Variants in PHLPP1 observed in about 807,000 individuals in gnomAD.
The protein encoded by PHLPP1 is PH domain and leucine rich repeat protein phosphatase 1.
In PHLPP1, 42 loss-of-function variants were observed where a neutral mutation model predicts 117.2. That is an observed-to-expected ratio of 0.36 (90% CI 0.28 to 0.46). The LOEUF (loss-of-function observed/expected upper bound fraction) is 0.46, where lower values mean the gene tolerates loss of function less well. PHLPP1 is among the 20% of genes least tolerant of loss of function. The pLI is 1.00. For missense variants in PHLPP1, 2,084 were observed against 2,241.9 expected, an observed-to-expected ratio of 0.93 and a Z score of 1.42; for synonymous variants, 1,042 against 970.7, an observed-to-expected ratio of 1.07 and a Z score of -1.37.
chr18:62,739,055 A>C (rs1201968117), intron 1 of PHLPP1, among the ~76,000 whole-genome samples: 1 of 152,212 alleles, frequency 6.6e-6, no homozygotes, highest in Non-Finnish European at 1.5e-5. Flanking sequence ...GGATGTGTTA[A>C]GTTTGAGGTT....
intron 6 of PHLPP1, among the ~76,000 whole-genome samples, chr18:62,901,265 C>T (rs1430874289): frequency 6.6e-6 from 1 of 152,010 alleles, no homozygotes; most frequent in Non-Finnish European, 1.5e-5. Flanking sequence ...CTGTTGTACC[C>T]AAGATGAGAT....
intron 1 of PHLPP1, among the ~76,000 whole-genome samples, chr18:62,809,304 C>T (rs1023242394): frequency 3.9e-5 from 6 of 152,168 alleles, no homozygotes; most frequent in Admixed American, 2.0e-4. Context: ...TATTTTAGGG[C>T]TCCAAATCAT....
intron 15 of PHLPP1, 143 bp downstream of exon 15, chr18:62,972,851 G>A (rs1046964764): frequency 1.5e-6 from 1 of 648,972 alleles, no homozygotes; most frequent in Admixed American, 2.8e-5. Flanking sequence ...GGCAAGTTTG[G>A]TGTTGCCCAG....
chr18:62,933,247 A>G (rs1909870705), intron 10 of PHLPP1, among the ~76,000 whole-genome samples: 1 of 152,202 alleles, frequency 6.6e-6, no homozygotes, highest in Non-Finnish European at 1.5e-5. Flanking sequence ...TTTTTCATGA[A>G]ATTAGAAAAA....
intron 1 of PHLPP1, among the ~76,000 whole-genome samples, chr18:62,795,908 C>T (rs1238159922): frequency 1.3e-5 from 2 of 152,216 alleles, no homozygotes; most frequent in African/African-American, 4.8e-5. Flanking sequence ...GTCCTGTACA[C>T]AGCTATTAAA....
chr18:62,892,937 C>A (rs1916463987), intron 4 of PHLPP1, among the ~76,000 whole-genome samples: 1 of 151,678 alleles, frequency 6.6e-6, no homozygotes, highest in Non-Finnish European at 1.5e-5. Context: ...GGTACCTCCT[C>A]TGGGGTCCCC....
intron 1 of PHLPP1, among the ~76,000 whole-genome samples, chr18:62,810,758 G>A (rs1303772856): frequency 2.6e-5 from 4 of 152,070 alleles, no homozygotes; most frequent in Non-Finnish European, 5.9e-5. Flanking sequence ...TTGAAAATAC[G>A]TTAAAGCAAT....
intron 1 of PHLPP1, among the ~76,000 whole-genome samples, chr18:62,793,385 A>G (rs1913520399): frequency 1.3e-5 from 2 of 152,112 alleles, no homozygotes; most frequent in African/African-American, 4.8e-5. Context: ...CCTTCATATC[A>G]TCTTGCCTGC....
chr18:62,949,150 A>C (rs754670552), intron 12 of PHLPP1, among the ~76,000 whole-genome samples: 2 of 152,226 alleles, frequency 1.3e-5, no homozygotes, highest in Admixed American at 6.5e-5. Flanking sequence ...AAAGGTATTA[A>C]GATCATTGCA....
chr18:62,720,734 A>T (rs1391254716), intron 1 of PHLPP1, among the ~76,000 whole-genome samples: 2 of 151,552 alleles, frequency 1.3e-5, no homozygotes, highest in East Asian at 3.9e-4. Context: ...TTACATTTTT[A>T]TATTTATATT....
rs762365435 is a variant in PHLPP1, at chr18:62,942,997, A to T, written c.3161+1079A>T. Reference sequence around the variant, plus strand: ...ACTTTTACTTCACTATGGAATGGGGAAATGATATTTTTGGAAAAAACCATG... The same window carrying T: ...ACTTTTACTTCACTATGGAATGGGGTAATGATATTTTTGGAAAAAACCATG... On this transcript the variant is annotated intron_variant, in intron 11 of 16. Coordinates refer to ENST00000262719, the MANE Select transcript of PHLPP1 (RefSeq NM_194449.4). Among the ~76,000 whole-genome samples the T allele has an allele frequency of 5.3e-5, 8 of 152,302 alleles. 1 individual carries two copies. In the South Asian group the frequency reaches 1.2e-3, roughly 24 times the overall value.
At chr18:62,772,153 A>G (rs955494466) in intron 1 of PHLPP1, among the ~76,000 whole-genome samples, 16 of 152,204 alleles carry the variant, frequency 1.1e-4, no homozygotes, top group African/African-American at 2.9e-4. Flanking sequence ...TGAATTCTCA[A>G]CTGTGTTCAG....
At chr18:62,874,087 GAC>G (rs1455698240) in intron 4 of PHLPP1, among the ~76,000 whole-genome samples, 6 of 151,022 alleles carry the variant, frequency 4.0e-5, no homozygotes, top group African/African-American at 1.5e-4. Flanking sequence ...GTGAGGCTGA[GAC>G]AGGAGAATCG....
rs933383011 is a variant in PHLPP1, at chr18:62,824,469, G to A, written c.1577-5566G>A. ...ACCAGATCAGCAGTTGCCTGAGCGC[G>A]GGAGGAACTCTGGAGGGATATAGGG... is the stretch of plus-strand genomic sequence containing the variant. On this transcript the variant is annotated intron_variant, in intron 1 of 16. Transcript: ENST00000262719. Among the ~76,000 whole-genome samples, 9 of 152,300 alleles carry A rather than the reference G, an allele frequency of 5.9e-5. No homozygotes were observed. The East Asian group carries it at 1.5e-3, about 26-fold the overall frequency.
intron 1 of PHLPP1, among the ~76,000 whole-genome samples, chr18:62,727,862 A>T (rs544469908): frequency 4.9e-4 from 74 of 152,000 alleles, no homozygotes; most frequent in Non-Finnish European, 9.7e-4. Context: ...GTGCTTCTGG[A>T]TATGGACTTA....
chr18:62,867,978 A>C (rs1050198998), intron 4 of PHLPP1, among the ~76,000 whole-genome samples: 2 of 151,850 alleles, frequency 1.3e-5, no homozygotes, highest in African/African-American at 4.8e-5. Context: ...CGCCCGGCTA[A>C]TTTTTCTATT....
At chr18:62,784,098 C>A (rs1309778392) in intron 1 of PHLPP1, among the ~76,000 whole-genome samples, 1 of 152,136 alleles carries the variant, frequency 6.6e-6, no homozygotes, top group African/African-American at 2.4e-5. Context: ...AAGTTATTCT[C>A]ATTCTCTGAT....
intron 4 of PHLPP1, among the ~76,000 whole-genome samples, chr18:62,879,970 TC>T (rs1183706672): frequency 2.6e-5 from 4 of 151,906 alleles, no homozygotes; most frequent in Non-Finnish European, 5.9e-5. Flanking sequence ...TGGTACTTCC[TC>T]CCCCCACCCC....
rs1477287284 is a variant in PHLPP1, at chr18:62,838,540, A to C, written c.1774-244A>C. ...AGAAAGGGAGTCTGGACTAATTTTA[A>C]ACAGAAAGAGGAGAATTTCACTGTG... On this transcript the variant is annotated intron_variant, in intron 2 of 16. Coordinates refer to ENST00000262719, the MANE Select transcript of PHLPP1 (RefSeq NM_194449.4). 1.3e-5 allele frequency: 5 copies of C among 388,302 alleles called. No individual in the cohort carries two copies. In the East Asian group the frequency reaches 2.0e-4, roughly 16 times the overall value. 24.1% of individuals were successfully genotyped at this position (388,302 alleles called of 1,614,324 possible).
Sources: gnomAD v4.1 joint callset for allele counts (sites outside exome capture counted in the v4.1 genomes callset) on GRCh38, gnomAD v4.1.1 for gene constraint, MANE v1.5 for transcripts, NCBI Gene and HGNC (gene_info 2026-07-23, HGNC 2026-07-21) for gene names.